Variants in PNKP observed in about 807,000 individuals in gnomAD.
PNKP encodes the protein bifunctional polynucleotide phosphatase/kinase.
Under a neutral mutation model 66.2 loss-of-function variants are expected in PNKP, and 82 were observed. The observed-to-expected ratio is 1.24, with a 90% confidence interval of 1.04 to 1.49. PNKP has a LOEUF of 1.49. PNKP is among the 40% of genes most tolerant of loss of function. The probability of loss-of-function intolerance (pLI) is 0.00; values close to 1 mark genes in which losing one functional copy is unlikely to be tolerated. For missense variants in PNKP, 907 were observed against 706.8 expected (o/e 1.28, Z -3.21); for synonymous variants, 412 against 298.9 (o/e 1.38, Z -3.90).
chr19:49,861,679 G>C lies in PNKP; in HGVS notation c.1315C>G (p.Arg439Gly), dbSNP rs539286945. The C allele has an allele frequency of 1.3e-6, 2 of 1,547,218 alleles. No homozygotes were observed. Among genetic ancestry groups the C allele is most frequent in the Admixed American group, 2.0e-5 (1 of 50,974 alleles). ...CAGCGGCAGGGGACGCCCGCGGCTC[G>C]GGCACACTGGACGTACCTGTGGGGG... ...ASRARYVQCA[R>G]AAGVPCRCFL... Residue 439 changes from arginine to glycine, a missense_variant, in exon 15 of 17, where the codon CGA (arginine) becomes GGA (glycine). Coordinates refer to ENST00000322344, the MANE Select transcript of PNKP (RefSeq NM_007254.4).
intron 4 of PNKP, 100 bp downstream of exon 4, chr19:49,865,027 C>T: frequency 1.1e-6 from 1 of 943,824 alleles, no homozygotes. Flanking sequence ...GCCCATTTCT[C>T]AGAAAAGTAA....
At position 49,862,032 on chromosome 19, in the gene PNKP, G is replaced by A. The variant is rs780736753; in HGVS notation, c.1188+12C>T. On this transcript the variant is annotated intron_variant, in intron 13 of 16. Coordinates refer to ENST00000322344, the MANE Select transcript of PNKP (RefSeq NM_007254.4). ...TTATAATAGATTTGGGGCGGCAAAA[G>A]CCTGGTCATACCCTGTTCACGTGGA... 60 of 1,613,762 alleles carry A rather than the reference G, an allele frequency of 3.7e-5. No individual in the cohort carries two copies. The highest frequency in any genetic ancestry group is 4.6e-5 in the Non-Finnish European group (54 of 1,179,784).
In PNKP at chr19:49,861,766, C is replaced by CGCGG; in HGVS notation, c.1298+5_1298+6insCCGC. On this transcript the variant is annotated splice_donor_region_variant and intron_variant, in intron 14 of 16. Coordinates refer to ENST00000322344, the MANE Select transcript of PNKP (RefSeq NM_007254.4). The stretch of plus-strand genomic sequence containing the variant: ...CAGGCCACCTACGGCCCCGCGGTCA[C>CGCGG]GCTACCTGGCGCGGCTCGCGGCGTC... 6.4e-7 allele frequency: 1 copy of CGCGG among 1,565,992 alleles called. No homozygotes were observed. Among genetic ancestry groups the CGCGG allele is most frequent in the Non-Finnish European group, 8.6e-7 (1 of 1,156,578 alleles).
intron 2 of PNKP, chr19:49,866,742 C>A (rs773244248): frequency 4.7e-5 from 28 of 591,472 alleles, no homozygotes; most frequent in Non-Finnish European, 8.1e-5. Flanking sequence ...CCCAACCTAG[C>A]GACATTTACT....
intron 3 of PNKP, 172 bp from the exon 4 acceptor site, chr19:49,865,598 A>AAT: frequency 7.6e-6 from 4 of 527,858 alleles, no homozygotes; most frequent in Non-Finnish European, 9.9e-6. Flanking sequence ...GCCTTGTCCG[A>AAT]ATCTTTTTTT....
intron 3 of PNKP, chr19:49,866,171 G>T (rs1009151162): frequency 1.8e-6 from 1 of 566,268 alleles, no homozygotes; most frequent in African/African-American, 1.9e-5. Context: ...CACCATTCCC[G>T]CTAATTTTTT....
Position 49,865,596 on chromosome 19 carries a change from C to T in PNKP, c.199-170G>A, listed in dbSNP as rs3739177. The T allele has an allele frequency of 0.075, 41,045 of 547,908 alleles. 1,766 individuals are homozygous for T. Among genetic ancestry groups the T allele is most frequent in the Middle Eastern group, 0.13 (258 of 2,060 alleles). 33.9% of individuals were successfully genotyped at this position (547,908 alleles called of 1,614,324 possible). On this transcript the variant is annotated intron_variant, in intron 3 of 16. Coordinates refer to ENST00000322344, the MANE Select transcript of PNKP (RefSeq NM_007254.4). Reference sequence around the variant, plus strand: ...ACGGTTACAGGTTTTCAGCCTTGTCCGAATCTTTTTTTTTTTTTTTTTTTT... The same window carrying T: ...ACGGTTACAGGTTTTCAGCCTTGTCTGAATCTTTTTTTTTTTTTTTTTTTT...
chr19:49,867,159 G>A lies in PNKP; in HGVS notation c.46C>T (p.Pro16Ser). The A allele has an allele frequency of 1.2e-6, 2 of 1,611,482 alleles. No individual in the cohort carries two copies. The highest frequency in any genetic ancestry group is 1.1e-5 in the South Asian group (1 of 91,062). Reference protein sequence around the residue: ...APGRLWLESPPGGAPPIFLPS... With the variant: ...APGRLWLESPSGGAPPIFLPS... ...AGGAAGATGGGGGGCGCTCCCCCAG[G>A]GGGGCTCTCGAGCCACAAGCGGCCC... Residue 16 changes from proline to serine, a missense_variant, in exon 2 of 17, where the codon CCT becomes TCT. Coordinates refer to ENST00000322344, the MANE Select transcript of PNKP (RefSeq NM_007254.4).
intron 3 of PNKP, 124 bp from the exon 4 acceptor site, chr19:49,865,550 C>A: frequency 3.1e-6 from 2 of 645,262 alleles, no homozygotes; most frequent in South Asian, 3.5e-5. Flanking sequence ...CCCACCTCTT[C>A]ACTTTGGAAC....
intron 2 of PNKP, 21 bp downstream of exon 2, chr19:49,867,033 T>C (rs2074825290): frequency 1.2e-6 from 2 of 1,612,704 alleles, no homozygotes; most frequent in African/African-American, 2.7e-5. Context: ...CCACACCCCC[T>C]CCAGCTCAGG....
At position 49,864,350 on chromosome 19, in the gene PNKP, G is replaced by C. The variant is rs369818814; in HGVS notation, c.552C>G (p.Val184=). Residue 184 remains valine, a synonymous_variant, in exon 5 of 17, where the codon GTC becomes GTG. Coordinates refer to ENST00000322344, the MANE Select transcript of PNKP (RefSeq NM_007254.4). ...GTLITTRSGK[V]FPTGPSDWRI... The stretch of plus-strand genomic sequence containing the variant: ...TCCAGTCACTGGGGCCAGTGGGAAA[G>C]ACCTTCCCAGAGCGTGTGGTGATGA... 1 of 1,614,028 alleles carries C rather than the reference G, an allele frequency of 6.2e-7. No homozygotes were observed. Among genetic ancestry groups the C allele is most frequent in the Non-Finnish European group, 8.5e-7 (1 of 1,179,918 alleles).
At chr19:49,863,934 C>T in intron 7 of PNKP, 30 bp downstream of exon 7, 1 of 1,559,822 alleles carries the variant, frequency 6.4e-7, no homozygotes, top group Non-Finnish European at 8.8e-7. Flanking sequence ...TGTGCCCCCA[C>T]ATAGCTCCCA....
chr19:49,863,254 C>T (rs2074793156), intron 8 of PNKP, among the ~76,000 whole-genome samples: 1 of 152,196 alleles, frequency 6.6e-6, no homozygotes, highest in African/African-American at 2.4e-5. Context: ...TAGGCCTTTT[C>T]CTCTGATGTC....
At position 49,865,270 on chromosome 19, in the gene PNKP, G is replaced by T. The variant is rs376650849; in HGVS notation, c.355C>A (p.Pro119Thr). 7.4e-6 allele frequency: 12 copies of T among 1,614,110 alleles called. No individual in the cohort carries two copies. In the African/African-American group the frequency reaches 1.1e-4, roughly 14 times the overall value. The change falls in exon 4 of 17, where the codon CCG becomes ACG. Residue 119 changes from proline (P) to threonine (T), a missense_variant. Coordinates refer to ENST00000322344, the MANE Select transcript of PNKP (RefSeq NM_007254.4). ...TGGGACACCAGAGGGGTGCCAGGCG[G>T]AGTATCTGGCTGGGATTCTGGTGTG... ...TRTPESQPDT[P>T]PGTPLVSQDE... is the part of the protein sequence containing the mutation.
chr19:49,865,427 C>G lies in PNKP; in HGVS notation c.199-1G>C. The G allele has an allele frequency of 6.3e-7, 1 of 1,599,286 alleles. No individual in the cohort carries two copies. The highest frequency in any genetic ancestry group is 1.1e-5 in the South Asian group (1 of 89,154). Reference sequence around the variant, plus strand: ...CGGTAGTTGAGGGGTTAACTCCCAGCTGCAGAAAGAGAGGGAGGAGCTGGG... The same window carrying G: ...CGGTAGTTGAGGGGTTAACTCCCAGGTGCAGAAAGAGAGGGAGGAGCTGGG... On this transcript the variant is annotated splice_acceptor_variant, in intron 3 of 16. Coordinates refer to ENST00000322344, the MANE Select transcript of PNKP (RefSeq NM_007254.4). LOFTEE classifies it high-confidence loss of function.
At chr19:49,866,870 C>G in intron 2 of PNKP, 184 bp downstream of exon 2, 1 of 683,052 alleles carries the variant, frequency 1.5e-6, no homozygotes, top group Non-Finnish European at 2.7e-6. Flanking sequence ...GATCCCCTCT[C>G]CCCCAAAGGA....
intron 4 of PNKP, 52 bp downstream of exon 4, chr19:49,865,075 G>A (rs950925035): frequency 1.8e-5 from 28 of 1,527,296 alleles, no homozygotes; most frequent in Middle Eastern, 2.1e-4. Flanking sequence ...AACAAACGTG[G>A]GATTGGGTCC....
rs780614119 is a variant in PNKP, at chr19:49,861,356, G to A, written c.1458C>T (p.Phe486=). ...DMVMYGYRKQ[F]EAPTLAEGFS... ...AGCCTTCAGCCAGCGTTGGGGCCTC[G>A]AACTGCTTCCTGGCAGTGGTGGGAA... The change falls in exon 17 of 17, where the codon TTC becomes TTT. Residue 486 remains phenylalanine (F), a synonymous_variant. Coordinates refer to ENST00000322344, the MANE Select transcript of PNKP (RefSeq NM_007254.4). 4 of 1,614,120 alleles carry A rather than the reference G, an allele frequency of 2.5e-6. No homozygotes were observed. Among genetic ancestry groups the A allele is most frequent in the Non-Finnish European group, 2.5e-6 (3 of 1,179,972 alleles).
At chr19:49,865,601 CTTTTTTTTTTT>C (rs749242089) in intron 3 of PNKP, 175 bp from the exon 4 acceptor site, 5 of 318,506 alleles carry the variant, frequency 1.6e-5, no homozygotes, top group Admixed American at 5.6e-5. Context: ...TTGTCCGAAT[CTTTTTTTTTTT>C]TTTTTTTTTT....
Sources: allele counts gnomAD v4.1 joint callset (sites outside exome capture counted in the v4.1 genomes callset), GRCh38; gene constraint gnomAD v4.1.1; transcripts MANE v1.5; gene names NCBI Gene and HGNC (gene_info 2026-07-23, HGNC 2026-07-21).